CELF5: variants seen among roughly 807,000 people sequenced by gnomAD.
The protein encoded by CELF5 is CUG-BP and ETR-3 like factor 5.
In CELF5, 6 loss-of-function variants were observed where a neutral mutation model predicts 54.9. The ratio of observed to expected loss-of-function variants is 0.11; its 90% CI spans 0.06 to 0.22. The LOEUF is 0.22. Ranked by LOEUF, CELF5 falls within the 10% of genes least tolerant of loss-of-function variation. The pLI is 1.00. For missense variants in CELF5, 401 were observed against 678.6 expected (o/e 0.59, Z 4.54); for synonymous variants, 271 against 290.9 (o/e 0.93, Z 0.70).
chr19:3,265,050 T>C (rs1336520906), intron 2 of CELF5, among the ~76,000 whole-genome samples: 2 of 152,160 alleles, frequency 1.3e-5, no homozygotes, highest in African/African-American at 2.4e-5. Flanking sequence ...GATTTATCTA[T>C]GGAAGGCCGG....
intron 2 of CELF5, among the ~76,000 whole-genome samples, chr19:3,252,192 A>G (rs2079660546): frequency 6.6e-6 from 1 of 151,840 alleles, no homozygotes. Flanking sequence ...GCATGCCATC[A>G]CACGTGGCTA....
intron 2 of CELF5, among the ~76,000 whole-genome samples, chr19:3,252,271 G>C (rs1443352841): frequency 6.6e-6 from 1 of 152,028 alleles, no homozygotes; most frequent in Non-Finnish European, 1.5e-5. Context: ...CCTGGCTCAA[G>C]CGTTCCTCCT....
rs141093284 is a variant in CELF5 at position 3,291,106 on chromosome 19, C to CAA, written c.1330+741_1330+742dup. Among the ~76,000 whole-genome samples, 422 of 148,304 alleles carry CAA rather than the reference C, an allele frequency of 2.8e-3. 3 individuals are homozygous for CAA. Among genetic ancestry groups the CAA allele is most frequent in the Non-Finnish European group, 1.8e-3 (120 of 66,942 alleles). Reference sequence around the variant, plus strand: ...CAAGACCCCATTTCTACAAAAAATACAAAAAAAAAATTAGCCAGGCTTGGT... The same window carrying CAA: ...CAAGACCCCATTTCTACAAAAAATACAAAAAAAAAAAATTAGCCAGGCTTGGT... On this transcript the variant is annotated intron_variant, in intron 11 of 12. Coordinates refer to ENST00000292672, the MANE Select transcript of CELF5 (RefSeq NM_021938.4).
At chr19:3,251,316 G>T (rs376106127) in intron 2 of CELF5, among the ~76,000 whole-genome samples, 1 of 152,214 alleles carries the variant, frequency 6.6e-6, no homozygotes, top group East Asian at 1.9e-4. Flanking sequence ...CTGCACAAGG[G>T]CACCTGGCCC....
intron 2 of CELF5, among the ~76,000 whole-genome samples, chr19:3,265,411 G>T (rs1239074930): frequency 3.9e-5 from 6 of 152,324 alleles, no homozygotes; most frequent in Admixed American, 1.3e-4. Flanking sequence ...GGCAGTGGAG[G>T]TCCTGCTCTC....
At position 3,275,845 on chromosome 19, in the gene CELF5, G is replaced by A. The variant is rs202116356; in HGVS notation, c.395-11G>A. Reference sequence around the variant, plus strand: ...CGGGGACTCGGCTGAGGTGGGTGTCGCCGCCCACAGGGGACCGGAAGCTGT... The same window carrying A: ...CGGGGACTCGGCTGAGGTGGGTGTCACCGCCCACAGGGGACCGGAAGCTGT... On this transcript the variant is annotated splice_polypyrimidine_tract_variant and intron_variant, in intron 3 of 12. Transcript: ENST00000292672. The surrounding 1 kb of genome is among the most constrained non-coding windows in gnomAD (Gnocchi z 6.7). 204 of 1,600,474 alleles carry A rather than the reference G, an allele frequency of 1.3e-4. No individual in the cohort carries two copies. The African/African-American group carries it at 1.4e-3, about 11-fold the overall frequency.
rs2080154806 is a variant in CELF5 at position 3,281,674 on chromosome 19, T to A, written c.750+329T>A. Among the ~76,000 whole-genome samples, 1 of 152,206 alleles carries A rather than the reference T, an allele frequency of 6.6e-6. No homozygotes were observed. The highest frequency in any genetic ancestry group is 1.5e-5 in the Non-Finnish European group (1 of 68,046). On this transcript the variant is annotated intron_variant, in intron 6 of 12. Transcript: ENST00000292672. The surrounding 1 kb of genome is among the most constrained non-coding windows in gnomAD (Gnocchi z 6.5). ...TGACCTGATCAAGCTCCACCCTGGC[T>A]GAGACCTGATCCCAAGTTGAGCCCC...
rs1356114300 is a variant in CELF5 at position 3,278,105 on chromosome 19, A to G, written c.598A>G (p.Met200Val). 1 of 1,362,736 alleles carries G rather than the reference A, an allele frequency of 7.3e-7. No homozygotes were observed. 84.4% of individuals were successfully genotyped at this position (1,362,736 alleles called of 1,614,324 possible). A position where few individuals can be genotyped will look rare whatever the true frequency, so the allele number is the denominator to read the frequency against. Residue 200 changes from methionine to valine, a missense_variant, in exon 5 of 13, where the codon ATG (methionine) becomes GTG (valine). Physicochemically the swap from Met to Val is conservative, Grantham distance 21. This residue lies in a region of CELF5 where 87 missense variants were observed against 190.2 expected (regional missense o/e 0.46). Transcript: ENST00000292672. The surrounding 1 kb of genome is among the most constrained non-coding windows in gnomAD (Gnocchi z 4.5). ...CCACGCCTTGCATGGGAGCCAGACCATGCCGGTGAGTTGGAGCTGCCCTTG... is the reference window on the plus strand; with the variant it reads ...CCACGCCTTGCATGGGAGCCAGACCGTGCCGGTGAGTTGGAGCTGCCCTTG... ...AIHALHGSQT[M>V]PGASSSLVVK...
At chr19:3,262,874 G>T in intron 2 of CELF5, among the ~76,000 whole-genome samples, 1 of 152,084 alleles carries the variant, frequency 6.6e-6, no homozygotes, top group East Asian at 1.9e-4. Context: ...AGGAGGTGGA[G>T]GTTGCAGTGA....
chr19:3,292,837 A>G lies in CELF5; in HGVS notation c.1331-482A>G, dbSNP rs540299201. 2.0e-5 allele frequency among the ~76,000 whole-genome samples: 3 copies of G among 152,268 alleles called. No homozygotes were observed. The South Asian group carries it at 6.2e-4, about 32-fold the overall frequency. Reference sequence around the variant, plus strand: ...CTTGAGCCAAGGAGGTCGAGGCTGCAGTGAGCTGAGATTGCGCCACTGCAC... The same window carrying G: ...CTTGAGCCAAGGAGGTCGAGGCTGCGGTGAGCTGAGATTGCGCCACTGCAC... On this transcript the variant is annotated intron_variant, in intron 11 of 12. Transcript: ENST00000292672.
intron 1 of CELF5, among the ~76,000 whole-genome samples, chr19:3,233,258 A>C (rs924771112): frequency 2.0e-5 from 3 of 152,170 alleles, no homozygotes; most frequent in African/African-American, 7.2e-5. Flanking sequence ...ACTGCACTCC[A>C]ATCTGGAAAA....
chr19:3,275,829 G>C lies in CELF5; in HGVS notation c.395-27G>C. The C allele has an allele frequency of 6.3e-7, 1 of 1,593,118 alleles. No individual in the cohort carries two copies. The highest frequency in any genetic ancestry group is 8.6e-7 in the Non-Finnish European group (1 of 1,165,072). On this transcript the variant is annotated intron_variant, in intron 3 of 12. Coordinates refer to ENST00000292672, the MANE Select transcript of CELF5 (RefSeq NM_021938.4). The surrounding 1 kb of genome is among the most constrained non-coding windows in gnomAD (Gnocchi z 6.7). ...AGGCCCTCCCGGAGGCCGGGGACTC[G>C]GCTGAGGTGGGTGTCGCCGCCCACA... is the stretch of plus-strand genomic sequence containing the variant.
At chr19:3,291,420 G>A (rs1206650707) in intron 11 of CELF5, among the ~76,000 whole-genome samples, 1 of 151,902 alleles carries the variant, frequency 6.6e-6, no homozygotes, top group Non-Finnish European at 1.5e-5. Context: ...AAAAAAATTA[G>A]CCGGGCATGG....
intron 1 of CELF5, among the ~76,000 whole-genome samples, chr19:3,226,730 G>C (rs562505686): frequency 2.8e-4 from 43 of 151,882 alleles, no homozygotes; most frequent in Middle Eastern, 6.8e-3. Flanking sequence ...ACAGGTGGGG[G>C]TGCAGGGACT....
At chr19:3,256,905 G>C (rs970146925) in intron 2 of CELF5, among the ~76,000 whole-genome samples, 6 of 151,896 alleles carry the variant, frequency 4.0e-5, no homozygotes, top group Non-Finnish European at 7.4e-5. Context: ...TTGCTGTGTC[G>C]CCCAGGTTGG....
intron 1 of CELF5, among the ~76,000 whole-genome samples, chr19:3,245,891 C>T (rs192095747): frequency 5.2e-4 from 79 of 152,280 alleles, no homozygotes; most frequent in African/African-American, 1.7e-3. Context: ...GCACGCCCAC[C>T]TTAATGACTA....
intron 1 of CELF5, among the ~76,000 whole-genome samples, chr19:3,235,705 GAT>G (rs1917550676): frequency 1.4e-5 from 2 of 147,942 alleles, no homozygotes; most frequent in Non-Finnish European, 3.0e-5. Flanking sequence ...TGGATGGATG[GAT>G]GGATGGATGT....
In CELF5 at chr19:3,228,660, C is replaced by T. The variant is rs2144966721; in HGVS notation, c.259+3662C>T. Among the ~76,000 whole-genome samples the T allele has an allele frequency of 6.6e-6, 1 of 150,938 alleles. No homozygotes were observed. The highest frequency in any genetic ancestry group is 6.6e-5 in the Admixed American group (1 of 15,154). ...GGCCCGGGTGGGGGCCCGCGGTTTC[C>T]ATGGGAGCACCAGCTGCCGGCTCGA... On this transcript the variant is annotated intron_variant, in intron 1 of 12. Coordinates refer to ENST00000292672, the MANE Select transcript of CELF5 (RefSeq NM_021938.4). This position sits in a 1 kb window ranked among gnomAD's most constrained non-coding sequence, Gnocchi z 6.0.
At chr19:3,258,429 G>T (rs551365826) in intron 2 of CELF5, among the ~76,000 whole-genome samples, 58 of 151,330 alleles carry the variant, frequency 3.8e-4, no homozygotes, top group African/African-American at 1.4e-3. Context: ...GCCTGTGTCT[G>T]TGTCCCTTTG....
Sources: allele counts gnomAD v4.1 joint callset (sites outside exome capture counted in the v4.1 genomes callset), GRCh38; gene constraint gnomAD v4.1.1; regional missense constraint gnomAD v4.1.1; non-coding constraint Gnocchi (gnomAD v3.1); transcripts MANE v1.5; gene names NCBI Gene and HGNC (gene_info 2026-07-23, HGNC 2026-07-21).